SORCS3: variants seen among roughly 807,000 people sequenced by gnomAD.
SORCS3 encodes VPS10 domain-containing receptor SorCS3.
In SORCS3, 57 loss-of-function variants were observed where a neutral mutation model predicts 146.3. That is an observed-to-expected ratio of 0.39 (90% confidence interval 0.31 to 0.49). SORCS3 has a LOEUF of 0.49. SORCS3 is among the 20% of genes least tolerant of loss of function. The pLI is 0.92. For synonymous variants in SORCS3, 653 were observed against 618.5 expected (o/e 1.06, Z -0.83); for missense variants, 1,341 against 1,575.5 (o/e 0.85, Z 2.52).
chr10:104,939,735 G>A (rs1253430129), intron 3 of SORCS3, among the ~76,000 whole-genome samples: 1 of 152,106 alleles, frequency 6.6e-6, no homozygotes, highest in African/African-American at 2.4e-5. Flanking sequence ...ATAGCCCAAG[G>A]GCAAGACTAG....
At chr10:104,965,264 A>G (rs1589569345) in intron 3 of SORCS3, among the ~76,000 whole-genome samples, 1 of 152,098 alleles carries the variant, frequency 6.6e-6, no homozygotes. Flanking sequence ...AGTCACGCCA[A>G]TTTATACTTG....
chr10:104,651,377 AT>A (rs924816732), intron 1 of SORCS3, among the ~76,000 whole-genome samples: 7 of 152,088 alleles, frequency 4.6e-5, no homozygotes, highest in Admixed American at 2.0e-4. Flanking sequence ...AATCTTAGAG[AT>A]GATGCCTATA....
At chr10:105,199,707 T>A (rs2056563409) in intron 14 of SORCS3, among the ~76,000 whole-genome samples, 1 of 152,122 alleles carries the variant, frequency 6.6e-6, no homozygotes, top group African/African-American at 2.4e-5. Flanking sequence ...CGGTCCCAAT[T>A]TTTTTTCTTT....
chr10:105,085,578 T>C (rs900923445), intron 5 of SORCS3, among the ~76,000 whole-genome samples: 1 of 152,176 alleles, frequency 6.6e-6, no homozygotes, highest in Admixed American at 6.5e-5. Context: ...GTCTGGTGAG[T>C]TGCATATATT....
chr10:105,189,143 G>T (rs756991285), intron 14 of SORCS3, among the ~76,000 whole-genome samples: 4 of 152,260 alleles, frequency 2.6e-5, no homozygotes, highest in Middle Eastern at 3.4e-3. Flanking sequence ...TTCTAGCAGG[G>T]GTTCTTTATT....
intron 1 of SORCS3, among the ~76,000 whole-genome samples, chr10:104,699,585 AC>A (rs1460148957): frequency 6.6e-6 from 1 of 152,098 alleles, no homozygotes; most frequent in Non-Finnish European, 1.5e-5. Flanking sequence ...TTAGAAAACT[AC>A]CTTTGGAGAT....
chr10:105,263,408 A>G lies in SORCS3; in HGVS notation c.*34A>G, dbSNP rs775612672. The G allele has an allele frequency of 1.9e-6, 3 of 1,600,676 alleles. No individual in the cohort carries two copies. The highest frequency in any genetic ancestry group is 2.6e-6 in the Non-Finnish European group (3 of 1,168,832). ...AGCCACGTGGTCAACCACCTTTCTG[A>G]CTTTTTATTTTTGATGATTACTATT... On this transcript the variant is annotated 3_prime_UTR_variant, in exon 27 of 27. Coordinates refer to ENST00000369701, the MANE Select transcript of SORCS3 (RefSeq NM_014978.3).
intron 2 of SORCS3, among the ~76,000 whole-genome samples, chr10:104,867,310 T>C (rs2018470458): frequency 7.4e-6 from 1 of 134,472 alleles, no homozygotes; most frequent in African/African-American, 2.6e-5. Flanking sequence ...CAGTGTACAA[T>C]TTTTTTTTTT....
intron 1 of SORCS3, among the ~76,000 whole-genome samples, chr10:104,721,907 G>A (rs1483199119): frequency 2.6e-5 from 4 of 152,118 alleles, no homozygotes; most frequent in Admixed American, 6.6e-5. Context: ...TAGACATACA[G>A]TCATGTCATC....
intron 3 of SORCS3, among the ~76,000 whole-genome samples, chr10:104,941,242 AC>A (rs1337715852): frequency 6.6e-6 from 1 of 152,138 alleles, no homozygotes; most frequent in Non-Finnish European, 1.5e-5. Context: ...TCATTTTGTG[AC>A]TAAGAATGCC....
At chr10:104,710,360 A>G (rs998537319) in intron 1 of SORCS3, among the ~76,000 whole-genome samples, 36 of 152,290 alleles carry the variant, frequency 2.4e-4, no homozygotes, top group African/African-American at 8.7e-4. Flanking sequence ...TTATTCATGT[A>G]TCACATATTT....
At chr10:104,764,011 T>A (rs1434076677) in intron 1 of SORCS3, among the ~76,000 whole-genome samples, 3 of 151,720 alleles carry the variant, frequency 2.0e-5, no homozygotes, top group Non-Finnish European at 4.4e-5. Context: ...CCTTTTTTTT[T>A]TTTTTTAATG....
chr10:105,040,683 T>C (rs1326180267), intron 4 of SORCS3, among the ~76,000 whole-genome samples: 5 of 151,928 alleles, frequency 3.3e-5, no homozygotes, highest in Admixed American at 2.6e-4. Context: ...TTAGTGGTTG[T>C]AGAGCTTTGT....
chr10:104,890,342 C>T (rs1316079172), intron 2 of SORCS3, among the ~76,000 whole-genome samples: 1 of 151,842 alleles, frequency 6.6e-6, no homozygotes, highest in African/African-American at 2.4e-5. Context: ...TTCATTTTTT[C>T]CTCAGTTTTT....
At chr10:104,721,002 T>C (rs895538595) in intron 1 of SORCS3, among the ~76,000 whole-genome samples, 1 of 152,252 alleles carries the variant, frequency 6.6e-6, no homozygotes, top group African/African-American at 2.4e-5. Flanking sequence ...TTGTCAACTT[T>C]GGCTTTTGTT....
At chr10:104,938,762 G>A (rs1430293515) in intron 3 of SORCS3, among the ~76,000 whole-genome samples, 2 of 152,138 alleles carry the variant, frequency 1.3e-5, no homozygotes, top group Non-Finnish European at 2.9e-5. Context: ...ATTCTTGTAT[G>A]CATCATAGTG....
chr10:105,239,303 A>G (rs1196988911), intron 20 of SORCS3, among the ~76,000 whole-genome samples: 3 of 152,218 alleles, frequency 2.0e-5, no homozygotes, highest in Non-Finnish European at 2.9e-5. Context: ...AAATAAGGCA[A>G]GCATAGTGAC....
chr10:104,933,466 G>A (rs1052914226), intron 3 of SORCS3, among the ~76,000 whole-genome samples: 1 of 152,184 alleles, frequency 6.6e-6, no homozygotes, highest in Non-Finnish European at 1.5e-5. Flanking sequence ...AGTACCATGT[G>A]TGCATCATGT....
Position 105,220,748 on chromosome 10 carries a change from C to T in SORCS3, c.2735-2368C>T, listed in dbSNP as rs557006912. ...CCCGCCCCACAGCCTCTTTCTCTTC[C>T]CCATTGATGAATAAAACACAAACTA... On this transcript the variant is annotated intron_variant, in intron 19 of 26. Transcript: ENST00000369701. Among the ~76,000 whole-genome samples, 4 of 152,196 alleles carry T rather than the reference C, an allele frequency of 2.6e-5. No homozygotes were observed. The South Asian group carries it at 8.3e-4, about 32-fold the overall frequency.
Sources: gnomAD v4.1 joint callset for allele counts (sites outside exome capture counted in the v4.1 genomes callset) on GRCh38, gnomAD v4.1.1 for gene constraint, MANE v1.5 for transcripts, NCBI Gene and HGNC (gene_info 2026-07-23, HGNC 2026-07-21) for gene names.